SLC24A2: variants seen among roughly 807,000 people sequenced by gnomAD.
SLC24A2 encodes solute carrier family 24 member 2.
A neutral mutation model predicts 62.0 loss-of-function variants in SLC24A2; 36 were observed. The ratio of observed to expected loss-of-function variants is 0.58; its 90% CI spans 0.44 to 0.77. SLC24A2 has a LOEUF of 0.77. Ranked by LOEUF, SLC24A2 falls within the 30% of genes least tolerant of loss-of-function variation. SLC24A2 has a pLI of 0.00. For synonymous variants in SLC24A2, 358 were observed against 294.0 expected (o/e 1.22, Z -2.23); for missense variants, 846 against 817.9 (o/e 1.03, Z -0.42).
At chr9:19,697,332 G>A (rs951579616) in intron 2 of SLC24A2, among the ~76,000 whole-genome samples, 1 of 152,092 alleles carries the variant, frequency 6.6e-6, no homozygotes, top group East Asian at 1.9e-4. Flanking sequence ...GTGGATGCTG[G>A]ACTTAATATT....
At chr9:20,099,204 T>C in the SLC24A2 span, among the ~76,000 whole-genome samples, 4 of 152,180 alleles carry the variant, frequency 2.6e-5, no homozygotes, top group Non-Finnish European at 5.9e-5. Context: ...AAAGAAATGG[T>C]TGACAATGAT....
the SLC24A2 span, among the ~76,000 whole-genome samples, chr9:20,098,420 T>A: frequency 2.6e-5 from 4 of 152,204 alleles, no homozygotes; most frequent in Non-Finnish European, 5.9e-5. Context: ...TCAAGATAGA[T>A]ACTAAGAAAT....
chr9:19,523,048 A>G (rs1232681844), intron 9 of SLC24A2, among the ~76,000 whole-genome samples: 1 of 152,210 alleles, frequency 6.6e-6, no homozygotes, highest in Non-Finnish European at 1.5e-5. Flanking sequence ...GCTGGGCACA[A>G]TGCCATGCAC....
the SLC24A2 span, among the ~76,000 whole-genome samples, chr9:20,097,274 G>A: frequency 4.6e-5 from 7 of 152,136 alleles, no homozygotes; most frequent in Non-Finnish European, 7.4e-5. Flanking sequence ...CCAATTGCCC[G>A]ATAATTCATC....
At chr9:20,247,761 C>T in the SLC24A2 span, among the ~76,000 whole-genome samples, 7 of 152,260 alleles carry the variant, frequency 4.6e-5, no homozygotes, top group South Asian at 2.1e-4. Context: ...CCTTTTCAGG[C>T]GACCATCACA....
At chr9:20,118,948 C>A in the SLC24A2 span, among the ~76,000 whole-genome samples, 1 of 152,068 alleles carries the variant, frequency 6.6e-6, no homozygotes, top group Non-Finnish European at 1.5e-5. Context: ...TTATTTAAGA[C>A]TATGTCTTGC....
At chr9:20,026,971 A>G in the SLC24A2 span, among the ~76,000 whole-genome samples, 2 of 152,180 alleles carry the variant, frequency 1.3e-5, no homozygotes, top group Non-Finnish European at 2.9e-5. Flanking sequence ...AAACAACTAT[A>G]TAGTAGAAAA....
intron 7 of SLC24A2, among the ~76,000 whole-genome samples, chr9:19,567,706 A>AT (rs1835714155): frequency 6.7e-6 from 1 of 149,832 alleles, no homozygotes; most frequent in Non-Finnish European, 1.5e-5. Flanking sequence ...AAAAAAAAAA[A>AT]TTTGAGAAGG....
At chr9:20,256,866 A>G in the SLC24A2 span, among the ~76,000 whole-genome samples, 1 of 152,036 alleles carries the variant, frequency 6.6e-6, no homozygotes, top group African/African-American at 2.4e-5. Context: ...ATAGTCCCCA[A>G]GGGTAGAAAG....
intron 2 of SLC24A2, among the ~76,000 whole-genome samples, chr9:19,742,704 A>G (rs1053302265): frequency 6.6e-6 from 1 of 152,208 alleles, no homozygotes; most frequent in African/African-American, 2.4e-5. Flanking sequence ...GCATTAGAAC[A>G]TGCCTTCTTC....
the SLC24A2 span, among the ~76,000 whole-genome samples, chr9:20,170,603 G>T: frequency 1.3e-5 from 2 of 151,996 alleles, no homozygotes; most frequent in Non-Finnish European, 2.9e-5. Flanking sequence ...TAGAGCTGAT[G>T]GGAAGGGGGT....
intron 7 of SLC24A2, among the ~76,000 whole-genome samples, chr9:19,551,049 C>A (rs1260348535): frequency 6.6e-6 from 1 of 152,100 alleles, no homozygotes; most frequent in Non-Finnish European, 1.5e-5. Context: ...ACCCTAGTCT[C>A]CTAAGGAACA....
chr9:20,131,271 C>G, the SLC24A2 span, among the ~76,000 whole-genome samples: 2 of 152,094 alleles, frequency 1.3e-5, no homozygotes, highest in African/African-American at 2.4e-5. Flanking sequence ...TCAATGTAAG[C>G]CCAGACAGGG....
At position 19,560,933 on chromosome 9, in the gene SLC24A2, AGAGAGAGAG is replaced by A. The variant is rs1835366444; in HGVS notation, c.1348-10674_1348-10666del. Reference sequence around the variant, plus strand: ...TATATATATAGAGAGAGAGAGAGAGAGAGAGAGAGAGAGACAGAGTCTTACTCTGTCACC... The same window carrying A: ...TATATATATAGAGAGAGAGAGAGAGAAGAGACAGAGTCTTACTCTGTCACC... On this transcript the variant is annotated intron_variant, in intron 7 of 10. Transcript: ENST00000341998. Among the ~76,000 whole-genome samples the A allele has an allele frequency of 3.4e-5, 5 of 147,852 alleles. 1 individual carries two copies. The highest frequency in any genetic ancestry group is 1.0e-4 in the African/African-American group (4 of 39,130).
At chr9:19,710,194 A>T (rs1478175720) in intron 2 of SLC24A2, among the ~76,000 whole-genome samples, 2 of 152,176 alleles carry the variant, frequency 1.3e-5, no homozygotes, top group African/African-American at 4.8e-5. Flanking sequence ...TTGACTGATT[A>T]ATTCATCATT....
intron 2 of SLC24A2, among the ~76,000 whole-genome samples, chr9:19,643,557 T>A (rs903189073): frequency 2.6e-5 from 4 of 152,216 alleles, no homozygotes; most frequent in African/African-American, 9.6e-5. Flanking sequence ...ACGTGTCAGA[T>A]GATGGAGAAG....
At chr9:20,172,736 C>G in the SLC24A2 span, among the ~76,000 whole-genome samples, 16 of 151,928 alleles carry the variant, frequency 1.1e-4, no homozygotes, top group Non-Finnish European at 2.4e-4. Flanking sequence ...AGTCCAGGAC[C>G]AGATGGACTC....
chr9:19,818,096 G>C, the SLC24A2 span, among the ~76,000 whole-genome samples: 4 of 152,114 alleles, frequency 2.6e-5, no homozygotes, highest in African/African-American at 2.4e-5. Flanking sequence ...AATCTGATAA[G>C]ATTAACAAGG....
At chr9:19,592,442 C>T (rs1369827179) in intron 5 of SLC24A2, among the ~76,000 whole-genome samples, 1 of 152,106 alleles carries the variant, frequency 6.6e-6, no homozygotes, top group Non-Finnish European at 1.5e-5. Context: ...CCACATATTG[C>T]TTCATTGCAA....
Sources: allele counts gnomAD v4.1 joint callset (sites outside exome capture counted in the v4.1 genomes callset), GRCh38; gene constraint gnomAD v4.1.1; transcripts MANE v1.5; gene names NCBI Gene and HGNC (gene_info 2026-07-23, HGNC 2026-07-21).